Variants in DNAJB13 observed in about 807,000 individuals in gnomAD.
DNAJB13 encodes the protein DnaJ heat shock protein family (Hsp40) member B13.
DNAJB13 carries 22 observed loss-of-function variants against 35.6 expected under a neutral mutation model. The observed-to-expected ratio is 0.62, with a 90% CI of 0.44 to 0.88. The LOEUF (loss-of-function observed/expected upper bound fraction) is 0.88. Among genes scored for constraint, DNAJB13 ranks in the 40% least tolerant of loss-of-function variants. The pLI, the probability that DNAJB13 is intolerant of heterozygous loss-of-function variation, is 0.00. For synonymous variants in DNAJB13, 136 were observed against 144.2 expected, an observed-to-expected ratio of 0.94 and a Z score of 0.41; for missense variants, 370 against 384.3, an observed-to-expected ratio of 0.96 and a Z score of 0.31.
chr11:73,951,586 C>T (rs936005658), intron 1 of DNAJB13, among the ~76,000 whole-genome samples: 3 of 152,192 alleles, frequency 2.0e-5, no homozygotes, highest in African/African-American at 4.8e-5. Context: ...ATCTTAAGGA[C>T]GTTCTGGCTC....
chr11:73,961,663 C>T (rs1216800330), intron 3 of DNAJB13, among the ~76,000 whole-genome samples: 1 of 152,234 alleles, frequency 6.6e-6, no homozygotes, highest in Admixed American at 6.5e-5. Flanking sequence ...GAACAGAATT[C>T]AAAGCCAGAA....
intron 1 of DNAJB13, among the ~76,000 whole-genome samples, chr11:73,957,428 T>G (rs1349624822): frequency 2.0e-5 from 3 of 152,166 alleles, no homozygotes; most frequent in Non-Finnish European, 2.9e-5. Flanking sequence ...GTCCCTTTAT[T>G]AAGCTCTCCA....
chr11:73,964,807 GT>G, intron 3 of DNAJB13, 70 bp from the exon 4 acceptor site: 2 of 1,284,994 alleles, frequency 1.6e-6, no homozygotes, highest in South Asian at 1.2e-5. Flanking sequence ...GTGTGTGTGT[GT>G]GTGTGCGCGC....
rs928274937 is a variant in DNAJB13 at position 73,964,868 on chromosome 11, C to T, written c.335-10C>T. ...ACAATTTCTCTTACTCCTCTCCCTA[C>T]CTCCTGCAGAGTTTTTTGATGCAGA... On this transcript the variant is annotated splice_polypyrimidine_tract_variant and intron_variant, in intron 3 of 7. Transcript: ENST00000339764. 3 of 1,604,210 alleles carry T rather than the reference C, an allele frequency of 1.9e-6. No individual in the cohort carries two copies. Among genetic ancestry groups the T allele is most frequent in the African/African-American group, 1.3e-5 (1 of 74,314 alleles).
intron 3 of DNAJB13, 99 bp from the exon 4 acceptor site, chr11:73,964,765 CTGTGTGTGTGTGTG>C (rs3222042): frequency 0.012 from 7,578 of 658,322 alleles, 55 homozygotes; most frequent in Non-Finnish European, 0.013. Flanking sequence ...GATAGGGAGG[CTGTGTGTGTGTGTG>C]TGTGTGTGTG....
chr11:73,967,732 G>GCCC (rs1951160077), intron 5 of DNAJB13, among the ~76,000 whole-genome samples: 1 of 152,172 alleles, frequency 6.6e-6, no homozygotes, highest in African/African-American at 2.4e-5. Flanking sequence ...GCAACAGAGC[G>GCCC]AGATCCTGTC....
At chr11:73,964,427 T>A (rs770067511) in intron 3 of DNAJB13, 10 of 197,284 alleles carry the variant, frequency 5.1e-5, no homozygotes, top group Non-Finnish European at 9.4e-5. Flanking sequence ...TGGGGAAGAG[T>A]AGAGAGGACT....
rs1554992104 is a variant in DNAJB13 at position 73,964,815 on chromosome 11, G to GCCCC, written c.335-62_335-61insCCCC. 5,693 of 975,272 alleles carry GCCCC rather than the reference G, an allele frequency of 5.8e-3. 287 individuals carry two copies. The highest frequency in any genetic ancestry group is 0.024 in the African/African-American group (1,230 of 51,308). 60.4% of individuals were successfully genotyped at this position (975,272 alleles called of 1,614,324 possible). On this transcript the variant is annotated intron_variant, in intron 3 of 7. Transcript: ENST00000339764. ...TGTGTGTGTGTGTGTGTGTGTGTGC[G>GCCCC]CGCGCGCGCATGTCTGGGTCTCTGG...
Position 73,964,812 on chromosome 11 carries a change from T to TGTGC in DNAJB13, c.335-65_335-64insTGCG, listed in dbSNP as rs1491290663. The TGTGC allele has an allele frequency of 9.0e-4, 629 of 696,708 alleles. 1 individual carries two copies. The highest frequency in any genetic ancestry group is 2.9e-3 in the South Asian group (167 of 58,024). 43.2% of individuals were successfully genotyped at this position (696,708 alleles called of 1,614,324 possible). ...GTGTGTGTGTGTGTGTGTGTGTGTGTGCGCGCGCGCGCATGTCTGGGTCTC... is the reference window on the plus strand; with the variant it reads ...GTGTGTGTGTGTGTGTGTGTGTGTGTGTGCGCGCGCGCGCGCATGTCTGGGTCTC... On this transcript the variant is annotated intron_variant, in intron 3 of 7. Coordinates refer to ENST00000339764, the MANE Select transcript of DNAJB13 (RefSeq NM_153614.4).
intron 2 of DNAJB13, 74 bp from the exon 3 acceptor site, chr11:73,959,420 G>T (rs1047004177): frequency 1.3e-6 from 2 of 1,530,070 alleles, no homozygotes; most frequent in Non-Finnish European, 1.8e-6. Flanking sequence ...CTCCATATCC[G>T]CCTGCTTCCC....
At chr11:73,954,359 A>G (rs11235960) in intron 1 of DNAJB13, among the ~76,000 whole-genome samples, 77,208 of 150,184 alleles carry the variant, frequency 0.51, 20,968 homozygotes, top group African/African-American at 0.72. Flanking sequence ...GGCCGGGCGC[A>G]GTGGCTCACA....
intron 2 of DNAJB13, 99 bp from the exon 3 acceptor site, chr11:73,959,395 C>T: frequency 7.1e-7 from 1 of 1,402,382 alleles, no homozygotes; most frequent in Non-Finnish European, 9.6e-7. Flanking sequence ...CAGGCTGCTT[C>T]TGCCCCTTCC....
At chr11:73,953,043 T>C (rs1189637981) in intron 1 of DNAJB13, among the ~76,000 whole-genome samples, 1 of 152,110 alleles carries the variant, frequency 6.6e-6, no homozygotes, top group African/African-American at 2.4e-5. Context: ...CTGGGCATCA[T>C]AGGGAGACCC....
intron 5 of DNAJB13, among the ~76,000 whole-genome samples, chr11:73,967,502 T>C (rs550039753): frequency 6.6e-6 from 1 of 152,034 alleles, no homozygotes; most frequent in African/African-American, 2.4e-5. Context: ...CTCAGCACTT[T>C]GGGAGGCCAA....
chr11:73,959,879 C>T (rs1168479443), intron 3 of DNAJB13: 1 of 293,208 alleles, frequency 3.4e-6, no homozygotes, highest in Non-Finnish European at 6.1e-6. Context: ...TCTCCTCCCT[C>T]AGCCTCCCAA....
Position 73,958,435 on chromosome 11 carries a change from G to T in DNAJB13, c.172+15G>T. 1 of 1,609,670 alleles carries T rather than the reference G, an allele frequency of 6.2e-7. No individual in the cohort carries two copies. Among genetic ancestry groups the T allele is most frequent in the Non-Finnish European group, 8.5e-7 (1 of 1,176,160 alleles). ...GCTGAGTGACCGTGAGTAGGTGTGG[G>T]GCTGAGCACCCCGCTTGATTAGGAT... On this transcript the variant is annotated intron_variant, in intron 2 of 7. Transcript: ENST00000339764.
intron 3 of DNAJB13, 74 bp from the exon 4 acceptor site, chr11:73,964,804 T>TGA: frequency 1.3e-6 from 1 of 741,172 alleles, no homozygotes; most frequent in African/African-American, 2.4e-5. Context: ...TGTGTGTGTG[T>TGA]GTGTGTGTGC....
intron 1 of DNAJB13, among the ~76,000 whole-genome samples, chr11:73,952,702 G>A (rs11605220): frequency 0.025 from 3,824 of 152,312 alleles, 74 homozygotes; most frequent in Middle Eastern, 0.044. Context: ...GGCAGTGGGC[G>A]TGCAGAAAGA....
At chr11:73,960,735 A>G (rs2135310227) in intron 3 of DNAJB13, among the ~76,000 whole-genome samples, 1 of 152,368 alleles carries the variant, frequency 6.6e-6, no homozygotes, top group African/African-American at 2.4e-5. Context: ...TTATTTTTAC[A>G]GAAGCCTTTT....
Sources: gnomAD v4.1 joint callset for allele counts (sites outside exome capture counted in the v4.1 genomes callset) on GRCh38, gnomAD v4.1.1 for gene constraint, MANE v1.5 for transcripts, NCBI Gene and HGNC (gene_info 2026-07-23, HGNC 2026-07-21) for gene names.